The following CSMD1 variants were observed in gnomAD, a reference collection of about 807,000 sequenced individuals.
CSMD1 encodes CUB and sushi domain-containing protein 1.
A neutral mutation model predicts 417.5 loss-of-function variants in CSMD1; 213 were observed. The observed-to-expected ratio is 0.51, with a 90% CI of 0.46 to 0.57. CSMD1 has a LOEUF of 0.57. Ranked by LOEUF, CSMD1 falls within the 20% of genes least tolerant of loss-of-function variation. The pLI is 0.00. For missense variants in CSMD1, 6,923 were observed against 4,529.7 expected (o/e 1.53, Z -15.17); for synonymous variants, 2,862 against 1,736.8 (o/e 1.65, Z -16.11).
intron 2 of CSMD1, among the ~76,000 whole-genome samples, chr8:4,515,672 T>G (rs1803077403): frequency 6.6e-6 from 1 of 152,120 alleles, no homozygotes; most frequent in Non-Finnish European, 1.5e-5. Flanking sequence ...GGTGTTTGCC[T>G]GTGGTAAGCA....
At chr8:3,382,917 C>CA (rs1228108813) in intron 18 of CSMD1, among the ~76,000 whole-genome samples, 7 of 151,872 alleles carry the variant, frequency 4.6e-5, no homozygotes, top group African/African-American at 1.7e-4. Context: ...TAAGATTTCT[C>CA]AAAAAAACCC....
chr8:4,231,716 T>A (rs11993028), intron 3 of CSMD1, among the ~76,000 whole-genome samples: 63,456 of 152,050 alleles, frequency 0.42, 15,272 homozygotes, highest in Non-Finnish European at 0.55. Context: ...GTCTTAAGAA[T>A]GTGACTGGTA....
intron 5 of CSMD1, among the ~76,000 whole-genome samples, chr8:3,840,733 T>C (rs1357512425): frequency 1.3e-5 from 2 of 150,654 alleles, no homozygotes; most frequent in African/African-American, 4.9e-5. Flanking sequence ...TCTGGCTCTG[T>C]CGTGTAGGCT....
At chr8:3,921,331 T>C (rs1023491383) in intron 5 of CSMD1, among the ~76,000 whole-genome samples, 4 of 152,072 alleles carry the variant, frequency 2.6e-5, no homozygotes, top group East Asian at 1.9e-4. Context: ...CATTTTTGTC[T>C]ATCCTTTCAT....
At chr8:4,433,327 C>G (rs1350207414) in intron 2 of CSMD1, among the ~76,000 whole-genome samples, 3 of 152,158 alleles carry the variant, frequency 2.0e-5, no homozygotes, top group East Asian at 1.9e-4. Context: ...GTCCCTGGCA[C>G]CAGAAAGGTT....
chr8:4,129,009 G>C (rs1467925975), intron 3 of CSMD1, among the ~76,000 whole-genome samples: 4 of 144,238 alleles, frequency 2.8e-5, no homozygotes, highest in Admixed American at 7.3e-5. Context: ...CCGGGAGTCA[G>C]AGGCTGCAGT....
rs112482656 is a variant in CSMD1 at position 3,103,562 on chromosome 8, G to C, written c.6949+2966C>G. ...GTACTGCAACTGCTAGACGTCACTCGGTGGTAGGAATTTTCAGCTTCATTA... is the reference window on the plus strand; with the variant it reads ...GTACTGCAACTGCTAGACGTCACTCCGTGGTAGGAATTTTCAGCTTCATTA... On this transcript the variant is annotated intron_variant, in intron 46 of 69. Coordinates refer to ENST00000635120, the MANE Select transcript of CSMD1 (RefSeq NM_033225.6). Among the ~76,000 whole-genome samples the C allele has an allele frequency of 6.6e-5, 10 of 152,134 alleles. No individual in the cohort carries two copies. The East Asian group carries it at 1.6e-3, about 24-fold the overall frequency.
intron 54 of CSMD1, among the ~76,000 whole-genome samples, chr8:2,981,867 T>G (rs185606933): frequency 3.9e-5 from 6 of 152,152 alleles, no homozygotes; most frequent in African/African-American, 1.4e-4. Flanking sequence ...TGGTATAGCA[T>G]AATAATAAAA....
At chr8:3,347,664 C>T (rs1025622846) in intron 22 of CSMD1, among the ~76,000 whole-genome samples, 6 of 152,168 alleles carry the variant, frequency 3.9e-5, no homozygotes, top group African/African-American at 1.4e-4. Flanking sequence ...ATTAAATCCT[C>T]AAGACAGTCC....
chr8:4,874,727 T>C (rs1585246537), intron 1 of CSMD1, among the ~76,000 whole-genome samples: 2 of 151,804 alleles, frequency 1.3e-5, no homozygotes, highest in Admixed American at 1.3e-4. Context: ...ATATCTGAAT[T>C]CTTAACACCT....
chr8:4,522,459 G>A (rs139077107), intron 2 of CSMD1, among the ~76,000 whole-genome samples: 1 of 152,112 alleles, frequency 6.6e-6, no homozygotes, highest in Non-Finnish European at 1.5e-5. Context: ...GATGAGCAAG[G>A]AAATTACAGA....
chr8:3,250,974 G>C (rs545948007), intron 26 of CSMD1, among the ~76,000 whole-genome samples: 50 of 152,290 alleles, frequency 3.3e-4, no homozygotes, highest in African/African-American at 1.2e-3. Flanking sequence ...CCCTTTGTCA[G>C]ATGAGTAGAT....
intron 16 of CSMD1, among the ~76,000 whole-genome samples, chr8:3,397,917 G>C (rs1435025939): frequency 6.6e-6 from 1 of 152,176 alleles, no homozygotes; most frequent in Non-Finnish European, 1.5e-5. Context: ...ATCGGTCATG[G>C]TGGAAATGAA....
At chr8:2,991,862 A>G (rs1806416174) in intron 54 of CSMD1, among the ~76,000 whole-genome samples, 1 of 152,210 alleles carries the variant, frequency 6.6e-6, no homozygotes, top group Admixed American at 6.5e-5. Flanking sequence ...CACCTATTAC[A>G]AAGAAGCAGT....
rs73494462 is a variant in CSMD1, at chr8:3,066,398, C to G, written c.7475-13751G>C. Among the ~76,000 whole-genome samples, 1,121 of 152,290 alleles carry G rather than the reference C, an allele frequency of 7.4e-3. 12 individuals are homozygous for G. Among genetic ancestry groups the G allele is most frequent in the African/African-American group, 0.025 (1,055 of 41,556 alleles). ...GATACAGAGAATCAGTGACAGAACT[C>G]AAATGAGAACTCCCTTCTTGCTGAC... On this transcript the variant is annotated intron_variant, in intron 49 of 69. Transcript: ENST00000635120.
Position 4,497,292 on chromosome 8 carries a change from G to A in CSMD1, c.303-77227C>T, listed in dbSNP as rs149260318. ...TATCATTACTTCTTTGCAACCCAAAGCAAGGAATTTTGAAACGATTATCTC... is the reference window on the plus strand; with the variant it reads ...TATCATTACTTCTTTGCAACCCAAAACAAGGAATTTTGAAACGATTATCTC... On this transcript the variant is annotated intron_variant, in intron 2 of 69. Transcript: ENST00000635120. 2.6e-3 allele frequency among the ~76,000 whole-genome samples: 400 copies of A among 152,240 alleles called. 5 individuals carry two copies. Among genetic ancestry groups the A allele is most frequent in the African/African-American group, 5.4e-3 (224 of 41,532 alleles).
At chr8:3,909,968 A>C (rs866638413) in intron 5 of CSMD1, among the ~76,000 whole-genome samples, 2 of 152,134 alleles carry the variant, frequency 1.3e-5, no homozygotes, top group African/African-American at 4.8e-5. Context: ...ATATGCAGAC[A>C]ACACTTGGGA....
chr8:4,030,523 A>AG (rs1171796958), intron 4 of CSMD1, among the ~76,000 whole-genome samples: 4 of 152,152 alleles, frequency 2.6e-5, no homozygotes, highest in Non-Finnish European at 4.4e-5. Flanking sequence ...CCAAGTCTCT[A>AG]GGCTGTACAC....
intron 42 of CSMD1, among the ~76,000 whole-genome samples, chr8:3,117,293 G>A (rs1816931849): frequency 6.6e-6 from 1 of 152,098 alleles, no homozygotes; most frequent in Non-Finnish European, 1.5e-5. Flanking sequence ...GGATGGTCTT[G>A]ATCTCCTGAT....
Sources: allele counts gnomAD v4.1 joint callset (sites outside exome capture counted in the v4.1 genomes callset), GRCh38; gene constraint gnomAD v4.1.1; transcripts MANE v1.5; gene names NCBI Gene and HGNC (gene_info 2026-07-23, HGNC 2026-07-21).